The following RERE variants were observed in gnomAD, a reference collection of about 807,000 sequenced individuals.
RERE encodes arginine-glutamic acid dipeptide repeats.
A neutral mutation model predicts 146.1 loss-of-function variants in RERE; 40 were observed. That is an observed-to-expected ratio of 0.27 (90% CI 0.21 to 0.36). RERE has a LOEUF of 0.36. Among genes scored for constraint, RERE ranks in the 10% least tolerant of loss-of-function variants. The probability of loss-of-function intolerance (pLI) is 1.00; values close to 1 mark genes in which losing one functional copy is unlikely to be tolerated. For synonymous variants in RERE, 1,003 were observed against 866.0 expected (o/e 1.16, Z -2.78); for missense variants, 1,933 against 2,138.7 (o/e 0.90, Z 1.90).
chr1:8,564,672 A>G (rs1646121035), intron 4 of RERE, among the ~76,000 whole-genome samples: 2 of 152,190 alleles, frequency 1.3e-5, no homozygotes, highest in Admixed American at 6.5e-5. Context: ...TGAATTTACC[A>G]AAATATTTAA....
intron 17 of RERE, 93 bp from the exon 18 acceptor site, chr1:8,361,583 C>T: frequency 1.3e-6 from 2 of 1,516,876 alleles, no homozygotes; most frequent in Non-Finnish European, 1.8e-6. Context: ...AATGTTTGTG[C>T]AGATGAAGCA....
intron 4 of RERE, among the ~76,000 whole-genome samples, chr1:8,593,528 C>T (rs968877306): frequency 2.6e-5 from 4 of 152,202 alleles, no homozygotes; most frequent in Non-Finnish European, 5.9e-5. Flanking sequence ...GATTGTGAGG[C>T]CTCCCCAGCC....
chr1:8,600,487 C>G (rs931335737), intron 4 of RERE, among the ~76,000 whole-genome samples: 3 of 152,090 alleles, frequency 2.0e-5, no homozygotes, highest in Non-Finnish European at 4.4e-5. Flanking sequence ...ATAGCTGTGC[C>G]AATTCTCTGG....
At chr1:8,573,152 G>A (rs140503026) in intron 4 of RERE, among the ~76,000 whole-genome samples, 7 of 152,086 alleles carry the variant, frequency 4.6e-5, no homozygotes, top group Non-Finnish European at 7.4e-5. Flanking sequence ...GTTTTATTAT[G>A]AAATATTTGA....
At chr1:8,721,176 A>G (rs1324166152) in intron 1 of RERE, among the ~76,000 whole-genome samples, 1 of 152,208 alleles carries the variant, frequency 6.6e-6, no homozygotes, top group Non-Finnish European at 1.5e-5. Context: ...TCCTCAGACA[A>G]CTGGGAGCAC....
At chr1:8,479,169 G>C (rs1303792219) in intron 10 of RERE, among the ~76,000 whole-genome samples, 1 of 152,008 alleles carries the variant, frequency 6.6e-6, no homozygotes, top group Non-Finnish European at 1.5e-5. Flanking sequence ...AGGACTTCTT[G>C]AGGCCAAGAG....
intron 8 of RERE, among the ~76,000 whole-genome samples, chr1:8,502,907 A>G (rs969086306): frequency 6.6e-6 from 1 of 151,040 alleles, no homozygotes; most frequent in African/African-American, 2.4e-5. Context: ...GTTAAGAGTC[A>G]TCACCACTCC....
intron 7 of RERE, among the ~76,000 whole-genome samples, chr1:8,513,480 G>A (rs548191886): frequency 1.3e-5 from 2 of 152,262 alleles, no homozygotes; most frequent in African/African-American, 2.4e-5. Context: ...ACTAGAAAAG[G>A]GAAGAATATA....
Position 8,372,507 on chromosome 1 carries a change from C to CATGTGTGTGTGTGTGT in RERE, c.1285-6534_1285-6533insACACACACACACACAT, listed in dbSNP as rs1553157691. The stretch of plus-strand genomic sequence containing the variant: ...TGCAGCCTGCCACCTACCATCAGGT[C>CATGTGTGTGTGTGTGT]GTGTGTGTGTGTGTGTGTGTGTGTG... On this transcript the variant is annotated intron_variant, in intron 12 of 22. Coordinates refer to ENST00000400908, the MANE Select transcript of RERE (RefSeq NM_001042681.2). Among the ~76,000 whole-genome samples, 1,125 of 131,812 alleles carry CATGTGTGTGTGTGTGT rather than the reference C, an allele frequency of 8.5e-3. 12 individuals are homozygous for CATGTGTGTGTGTGTGT. The highest frequency in any genetic ancestry group is 0.029 in the African/African-American group (1,042 of 35,418). 86.5% of individuals were successfully genotyped at this position (131,812 alleles called of 152,430 possible). A position where few individuals can be genotyped will look rare whatever the true frequency, so the allele number is the denominator to read the frequency against.
intron 4 of RERE, among the ~76,000 whole-genome samples, chr1:8,572,946 C>A (rs1646239832): frequency 6.6e-6 from 1 of 152,170 alleles, no homozygotes. Flanking sequence ...GCAGGAAAAA[C>A]TGTATTGTGA....
At chr1:8,424,306 G>A (rs35870545) in intron 11 of RERE, 1 of 152,302 alleles carries the variant, frequency 6.6e-6, no homozygotes, top group Non-Finnish European at 1.5e-5. Context: ...TAAATCACCT[G>A]CCCACCGGGC....
At chr1:8,809,137 TAAAAAAAAAAAA>T (rs58263107) in intron 1 of RERE, among the ~76,000 whole-genome samples, 3 of 95,072 alleles carry the variant, frequency 3.2e-5, no homozygotes, top group African/African-American at 9.1e-5. Flanking sequence ...GACTTTGTCT[TAAAAAAAAAAAA>T]AAAAAAAAAA....
intron 11 of RERE, among the ~76,000 whole-genome samples, chr1:8,453,501 C>T (rs574707570): frequency 6.6e-6 from 1 of 152,122 alleles, no homozygotes; most frequent in Non-Finnish European, 1.5e-5. Flanking sequence ...TTTCCCAAAC[C>T]TTTGCTTATC....
intron 1 of RERE, among the ~76,000 whole-genome samples, chr1:8,664,650 G>T (rs1422660071): frequency 6.6e-6 from 1 of 151,946 alleles, no homozygotes; most frequent in African/African-American, 2.4e-5. Context: ...TGAACTCCTG[G>T]GCTCAAGCAA....
At chr1:8,732,374 GC>G (rs1640104475) in intron 1 of RERE, among the ~76,000 whole-genome samples, 1 of 152,158 alleles carries the variant, frequency 6.6e-6, no homozygotes, top group South Asian at 2.1e-4. Context: ...AGTGAAAGAA[GC>G]CAATCTGAAA....
intron 12 of RERE, among the ~76,000 whole-genome samples, chr1:8,402,122 C>A (rs1643283086): frequency 6.6e-6 from 1 of 152,204 alleles, no homozygotes; most frequent in Non-Finnish European, 1.5e-5. Context: ...CTGCCTCGAC[C>A]TCCCAAAGTG....
intron 11 of RERE, among the ~76,000 whole-genome samples, chr1:8,437,732 C>T (rs1355460047): frequency 6.6e-6 from 1 of 152,166 alleles, no homozygotes. Context: ...TACAAACATA[C>T]TAATAGCTCA....
intron 9 of RERE, among the ~76,000 whole-genome samples, chr1:8,495,369 C>A: frequency 6.6e-6 from 1 of 150,988 alleles, no homozygotes; most frequent in Middle Eastern, 3.2e-3. Flanking sequence ...GGCTGGAGTA[C>A]AGTGGCGCAA....
rs1249294556 is a variant in RERE at position 8,364,293 on chromosome 1, C to T, written c.1541-38G>A. 4 of 1,585,288 alleles carry T rather than the reference C, an allele frequency of 2.5e-6. No homozygotes were observed. In the African/African-American group the frequency reaches 5.4e-5, roughly 21 times the overall value. On this transcript the variant is annotated intron_variant, in intron 14 of 22. Coordinates refer to ENST00000400908, the MANE Select transcript of RERE (RefSeq NM_001042681.2). The surrounding 1 kb of genome is among the most constrained non-coding windows in gnomAD (Gnocchi z 5.1). ...AGTGGTGGGGGCCAACCTTGGAAAC[C>T]ATCCCTCTCCCTGGGGATGTCTGGG...
Sources: gnomAD v4.1 joint callset for allele counts (sites outside exome capture counted in the v4.1 genomes callset) on GRCh38, gnomAD v4.1.1 for gene constraint, Gnocchi (gnomAD v3.1) non-coding constraint, MANE v1.5 for transcripts, NCBI Gene and HGNC (gene_info 2026-07-23, HGNC 2026-07-21) for gene names.